DNM1L: variants seen among roughly 807,000 people sequenced by gnomAD.
The protein encoded by DNM1L is dynamin 1L.
DNM1L carries 33 observed loss-of-function variants against 92.8 expected under a neutral mutation model. That is an observed-to-expected ratio of 0.36 (90% CI 0.27 to 0.48). The LOEUF (loss-of-function observed/expected upper bound fraction) is 0.48, where lower values mean the gene tolerates loss of function less well. DNM1L is among the 20% of genes least tolerant of loss of function. DNM1L has a pLI of 0.99. For synonymous variants in DNM1L, 284 were observed against 305.0 expected, an observed-to-expected ratio of 0.93 and a Z score of 0.72; for missense variants, 485 against 888.8, an observed-to-expected ratio of 0.55 and a Z score of 5.78.
intron 19 of DNM1L, 101 bp from the exon 20 acceptor site, chr12:32,743,253 A>T: frequency 2.8e-6 from 3 of 1,055,436 alleles, no homozygotes. Flanking sequence ...CTGGTTAGTT[A>T]TAAACCTACC....
At chr12:32,694,018 ATTC>A (rs538836413) in intron 1 of DNM1L, among the ~76,000 whole-genome samples, 2 of 152,132 alleles carry the variant, frequency 1.3e-5, no homozygotes, top group South Asian at 4.2e-4. Context: ...GTCACTCCCC[ATTC>A]TTCTTCACTC....
intron 6 of DNM1L, 75 bp downstream of exon 6, chr12:32,713,446 C>T: frequency 6.7e-7 from 1 of 1,503,564 alleles, no homozygotes; most frequent in Non-Finnish European, 9.2e-7. Context: ...GAATTTTTCT[C>T]TTTAAAAACA....
intron 3 of DNM1L, 32 bp downstream of exon 3, chr12:32,707,445 T>C (rs750231573): frequency 1.3e-6 from 2 of 1,498,118 alleles, no homozygotes; most frequent in Admixed American, 2.0e-5. Context: ...GAAGAAATAA[T>C]GTTGAAAAAA....
rs904986020 is a variant in DNM1L, at chr12:32,743,735, G to A, written c.*325G>A. ...AGTTTGCCTGTGGATAAGATGACCT[G>A]TGTAATAATCTTTGTTAGTAGTCTT... On this transcript the variant is annotated 3_prime_UTR_variant, in exon 20 of 20. Coordinates refer to ENST00000549701, the MANE Select transcript of DNM1L (RefSeq NM_012062.5). The A allele has an allele frequency of 1.2e-5, 4 of 336,698 alleles. No individual in the cohort carries two copies. Among genetic ancestry groups the A allele is most frequent in the Non-Finnish European group, 2.2e-5 (4 of 180,460 alleles). 20.9% of individuals were successfully genotyped at this position (336,698 alleles called of 1,614,324 possible).
Position 32,689,822 on chromosome 12 carries a change from C to T in DNM1L, c.102+10357C>T, listed in dbSNP as rs188406957. ...AGCTGAAAATACAACAAAACCTTTT[C>T]CATGAAAGGCCACATTTCAAAATAT... On this transcript the variant is annotated intron_variant, in intron 1 of 19. Transcript: ENST00000549701. 7.2e-5 allele frequency among the ~76,000 whole-genome samples: 11 copies of T among 152,282 alleles called. No homozygotes were observed. The East Asian group carries it at 1.9e-3, about 27-fold the overall frequency.
At chr12:32,743,202 G>A in intron 19 of DNM1L, 152 bp from the exon 20 acceptor site, 2 of 742,314 alleles carry the variant, frequency 2.7e-6, no homozygotes, top group South Asian at 3.4e-5. Context: ...GCCGGTACTT[G>A]ATTAGATTCT....
chr12:32,726,315 G>GT, intron 9 of DNM1L: 1 of 1,307,946 alleles, frequency 7.6e-7, no homozygotes, highest in Non-Finnish European at 1.1e-6. Context: ...ACATAAGGCA[G>GT]TAAGTAAGAA....
rs570940667 is a variant in DNM1L at position 32,693,729 on chromosome 12, C to T, written c.103-7686C>T. On this transcript the variant is annotated intron_variant, in intron 1 of 19. Transcript: ENST00000549701. Reference sequence around the variant, plus strand: ...CATGGCTCACTGCAGCCTCAATCCCCTGGGCTCAAGTGATCCATCTGTCTA... The same window carrying T: ...CATGGCTCACTGCAGCCTCAATCCCTTGGGCTCAAGTGATCCATCTGTCTA... Among the ~76,000 whole-genome samples the T allele has an allele frequency of 1.5e-3, 227 of 152,204 alleles. 1 individual carries two copies. The highest frequency in any genetic ancestry group is 5.3e-3 in the African/African-American group (221 of 41,556).
chr12:32,722,838 T>C (rs1030096445), intron 9 of DNM1L: 2 of 249,718 alleles, frequency 8.0e-6, no homozygotes, highest in African/African-American at 4.5e-5. Context: ...AATTGTCACA[T>C]ATTTTTAAAT....
At chr12:32,720,580 G>A in intron 7 of DNM1L, 84 bp from the exon 8 acceptor site, 1 of 1,575,954 alleles carries the variant, frequency 6.3e-7, no homozygotes, top group East Asian at 2.2e-5. Context: ...AGGTATTAGA[G>A]AACAATGCCT....
In DNM1L at chr12:32,679,794, C is replaced by G. The variant is rs563477078; in HGVS notation, c.102+329C>G. The G allele has an allele frequency of 2.9e-6, 3 of 1,037,446 alleles. No homozygotes were observed. The East Asian group carries it at 2.3e-4, about 80-fold the overall frequency. 64.3% of individuals were successfully genotyped at this position (1,037,446 alleles called of 1,614,324 possible). On this transcript the variant is annotated intron_variant, in intron 1 of 19. Coordinates refer to ENST00000549701, the MANE Select transcript of DNM1L (RefSeq NM_012062.5). The stretch of plus-strand genomic sequence containing the variant: ...GGAGTCCGCTGGGACCGGGCGCGGC[C>G]TCGTCCGCGTGCCGCTGCCTCCAAG...
chr12:32,708,540 A>G (rs781747317), intron 4 of DNM1L, among the ~76,000 whole-genome samples: 17 of 152,180 alleles, frequency 1.1e-4, no homozygotes, highest in Non-Finnish European at 2.5e-4. Flanking sequence ...TATTGCTACA[A>G]TAAGTTATCT....
chr12:32,729,381 G>A (rs960882375), intron 9 of DNM1L, among the ~76,000 whole-genome samples: 4 of 151,786 alleles, frequency 2.6e-5, no homozygotes, highest in African/African-American at 9.7e-5. Context: ...GCGCCCAGCC[G>A]AAATTCTTAT....
At chr12:32,696,719 G>C (rs1952483363) in intron 1 of DNM1L, among the ~76,000 whole-genome samples, 1 of 151,402 alleles carries the variant, frequency 6.6e-6, no homozygotes, top group African/African-American at 2.4e-5. Flanking sequence ...CCGCCTCCCG[G>C]GTTCAAGTGA....
chr12:32,685,480 C>T (rs997851665), intron 1 of DNM1L, among the ~76,000 whole-genome samples: 1 of 151,494 alleles, frequency 6.6e-6, no homozygotes, highest in Non-Finnish European at 1.5e-5. Flanking sequence ...CCTGCTTCAG[C>T]ATCCTGAGTA....
At position 32,701,467 on chromosome 12, in the gene DNM1L, C is replaced by T. The variant is rs1337368786; in HGVS notation, c.155C>T (p.Pro52Leu). 1 of 1,613,754 alleles carries T rather than the reference C, an allele frequency of 6.2e-7. No individual in the cohort carries two copies. Among genetic ancestry groups the T allele is most frequent in the Non-Finnish European group, 8.5e-7 (1 of 1,179,748 alleles). The change falls in exon 2 of 20, where the codon CCC becomes CTC. Residue 52 changes from proline (P) to leucine (L), a missense_variant. Transcript: ENST00000549701. ...AGCCTGGTGGGGAGGGACCTGCTTC[C>T]CAGAGGTACTGGAATTGTCACCCGG... Reference protein sequence around the residue: ...LESLVGRDLLPRGTGIVTRRP... With the variant: ...LESLVGRDLLLRGTGIVTRRP...
Position 32,710,922 on chromosome 12 carries a change from T to C in DNM1L, c.370-7T>C. 6.3e-7 allele frequency: 1 copy of C among 1,599,466 alleles called. No individual in the cohort carries two copies. Among genetic ancestry groups the C allele is most frequent in the Non-Finnish European group, 8.5e-7 (1 of 1,171,130 alleles). ...AAATTTTAATATATTTTAAAATTTA[T>C]TTTTAGGGAGTAAGCCCTGAACCAA... On this transcript the variant is annotated splice_polypyrimidine_tract_variant and splice_region_variant and intron_variant, in intron 4 of 19. Coordinates refer to ENST00000549701, the MANE Select transcript of DNM1L (RefSeq NM_012062.5).
chr12:32,735,960 C>A (rs1289450780), intron 13 of DNM1L, among the ~76,000 whole-genome samples: 1 of 151,904 alleles, frequency 6.6e-6, no homozygotes, highest in Non-Finnish European at 1.5e-5. Context: ...ATACTTCCTA[C>A]TTAGGAGCAA....
Position 32,737,891 on chromosome 12 carries a change from A to G in DNM1L, c.1623A>G (p.Ala541=). 1 of 1,613,892 alleles carries G rather than the reference A, an allele frequency of 6.2e-7. No homozygotes were observed. The highest frequency in any genetic ancestry group is 8.5e-7 in the Non-Finnish European group (1 of 1,179,962). ...DKSSKVPSAL[A]PASQEPSPAA... ...CTTCTAAAGTTCCAAGTGCTTTGGCACCTGCCTCCCAGGAGCCCTCCCCCG... is the reference window on the plus strand; with the variant it reads ...CTTCTAAAGTTCCAAGTGCTTTGGCGCCTGCCTCCCAGGAGCCCTCCCCCG... The change falls in exon 15 of 20, where the codon GCA becomes GCG. Residue 541 remains alanine (A), a synonymous_variant. Transcript: ENST00000549701.
Sources: gnomAD v4.1 joint callset for allele counts (sites outside exome capture counted in the v4.1 genomes callset) on GRCh38, gnomAD v4.1.1 for gene constraint, MANE v1.5 for transcripts, NCBI Gene and HGNC (gene_info 2026-07-23, HGNC 2026-07-21) for gene names.